Variants in ATP11C observed in about 807,000 individuals in gnomAD.
The protein encoded by ATP11C is ATPase phospholipid transporting 11C (ATP11C blood group), also known as phospholipid-transporting ATPase IG.
A neutral mutation model predicts 97.4 loss-of-function variants in ATP11C; 36 were observed. The observed-to-expected ratio is 0.37, with a 90% confidence interval of 0.28 to 0.49. The LOEUF (loss-of-function observed/expected upper bound fraction) is 0.49, where lower values mean the gene tolerates loss of function less well. ATP11C is among the 20% of genes least tolerant of loss of function. The pLI is 0.98. For missense variants in ATP11C, 730 were observed against 824.6 expected (o/e 0.89, Z 1.40); for synonymous variants, 275 against 290.9 (o/e 0.95, Z 0.56).
chrX:139,803,792 G>A (rs1266395413), intron 6 of ATP11C, among the ~76,000 whole-genome samples: 2 of 93,683 alleles, frequency 2.1e-5, no homozygotes, highest in African/African-American at 4.1e-5. Flanking sequence ...TCCATCTCCC[G>A]GGCTCAAGCA....
At chrX:139,882,022 T>C (rs1319175058) in intron 1 of ATP11C, among the ~76,000 whole-genome samples, 1 of 111,643 alleles carries the variant, frequency 9.0e-6, no homozygotes, top group Non-Finnish European at 1.9e-5. Flanking sequence ...TTCTTCTCCC[T>C]CTATGGCTTT....
At chrX:139,857,065 GT>G in intron 1 of ATP11C, among the ~76,000 whole-genome samples, 1 of 111,788 alleles carries the variant, frequency 8.9e-6, no homozygotes, top group Admixed American at 9.5e-5. Flanking sequence ...AAGTAGTTCG[GT>G]AAACGGAAAG....
At chrX:139,750,408 C>T (rs1286314259) in intron 23 of ATP11C, among the ~76,000 whole-genome samples, 1 of 111,604 alleles carries the variant, frequency 9.0e-6, no homozygotes, top group Non-Finnish European at 1.9e-5. Context: ...CTATAAGCTG[C>T]ATTTCTAATA....
At chrX:139,787,534 GTGATCC>G (rs2148728824) in intron 14 of ATP11C, among the ~76,000 whole-genome samples, 1 of 112,388 alleles carries the variant, frequency 8.9e-6, no homozygotes, top group African/African-American at 3.2e-5. Context: ...CTGACCTCAG[GTGATCC>G]ACCCGCCTTG....
intron 1 of ATP11C, among the ~76,000 whole-genome samples, chrX:139,905,277 T>C (rs1271622040): frequency 8.9e-6 from 1 of 112,217 alleles, no homozygotes; most frequent in Non-Finnish European, 1.9e-5. Context: ...GATCAAATGT[T>C]TCCCTTTTCC....
intron 1 of ATP11C, among the ~76,000 whole-genome samples, chrX:139,859,859 T>C (rs1287922408): frequency 2.4e-5 from 2 of 82,162 alleles, no homozygotes; most frequent in Non-Finnish European, 3.9e-5. Context: ...CCCAGCACTT[T>C]GGGAGGCCGA....
chrX:139,768,308 C>T lies in ATP11C; in HGVS notation c.2343G>A (p.Lys781=), dbSNP rs2082178841. The change falls in exon 20 of 30, where the codon AAG becomes AAA. Residue 781 remains lysine, a synonymous_variant. Coordinates refer to ENST00000682941, the MANE Select transcript of ATP11C (RefSeq NM_001353812.2). The part of the protein sequence containing the change: ...YKSIFLQICM[K]CTAVLCCRMA... The stretch of plus-strand genomic sequence containing the variant: ...TCCGACAGCAGAGCACTGCAGTACA[C>T]TTCATACATATTTGTAGGAAAATGC... The T allele has an allele frequency of 1.0e-5, 12 of 1,185,494 alleles. No homozygotes were observed. The East Asian group carries it at 3.3e-4, about 33-fold the overall frequency.
At chrX:139,785,063 T>G (rs1477181119) in intron 16 of ATP11C, among the ~76,000 whole-genome samples, 163 bp downstream of exon 16, 2 of 112,108 alleles carry the variant, frequency 1.8e-5, no homozygotes, top group African/African-American at 3.2e-5. Context: ...AGAACATCTG[T>G]GCTTAAAAAA....
chrX:139,813,699 TAGGAAAGGCAAAACTATAGAGACA>T (rs2083224841), intron 5 of ATP11C, among the ~76,000 whole-genome samples: 1 of 111,436 alleles, frequency 9.0e-6, no homozygotes, highest in South Asian at 3.8e-4. Flanking sequence ...TGTGACATCC[TAGGAAAGGCAAAACTATAGAGACA>T]GCAGAAAGAT....
intron 18 of ATP11C, among the ~76,000 whole-genome samples, chrX:139,780,405 T>C (rs1470415540): frequency 2.7e-5 from 3 of 109,780 alleles, no homozygotes; most frequent in Admixed American, 1.9e-4. Flanking sequence ...CATATGCAAA[T>C]CAATAAATGT....
intron 1 of ATP11C, among the ~76,000 whole-genome samples, chrX:139,918,535 T>C (rs1312243312): frequency 2.5e-5 from 2 of 79,047 alleles, no homozygotes; most frequent in Non-Finnish European, 4.7e-5. Context: ...GGCAGGAGAA[T>C]TGCTTGAACC....
Position 139,763,389 on chromosome X carries a change from G to A in ATP11C, c.2421C>T (p.Gly807=). 8.3e-7 allele frequency: 1 copy of A among 1,208,489 alleles called. No homozygotes were observed. Among genetic ancestry groups the A allele is most frequent in the Non-Finnish European group, 1.1e-6 (1 of 892,521 alleles). The change falls in exon 21 of 30, where the codon GGC becomes GGT. Residue 807 remains glycine (G), a synonymous_variant. Transcript: ENST00000682941. ...CACCTATCGACAGAGTTATTGGGCT[G>A]CCTTTTAAATTCTTCACCATTCTGA... ...QIVRMVKNLK[G]SPITLSIGDG...
At chrX:139,857,379 GTTCAA>G (rs1178872067) in intron 1 of ATP11C, among the ~76,000 whole-genome samples, 2 of 111,895 alleles carry the variant, frequency 1.8e-5, no homozygotes, top group East Asian at 5.6e-4. Context: ...ATGTCAGTGT[GTTCAA>G]TTCTTTTCCT....
chrX:139,882,590 T>C (rs936843309), intron 1 of ATP11C, among the ~76,000 whole-genome samples: 2 of 111,349 alleles, frequency 1.8e-5, no homozygotes, highest in East Asian at 5.7e-4. Flanking sequence ...TTTCTGAATC[T>C]TCTTTAGACT....
chrX:139,890,246 T>A (rs925707674), intron 1 of ATP11C, among the ~76,000 whole-genome samples: 1 of 111,123 alleles, frequency 9.0e-6, no homozygotes. Flanking sequence ...GTCAAAACAG[T>A]GTGGTTTTGT....
chrX:139,912,101 G>C (rs1178550649), intron 1 of ATP11C, among the ~76,000 whole-genome samples: 1 of 102,829 alleles, frequency 9.7e-6, no homozygotes, highest in African/African-American at 3.6e-5. Flanking sequence ...CTTGAACCCA[G>C]GAGTCAGAGG....
At chrX:139,831,032 C>T (rs2083637630) in intron 1 of ATP11C, among the ~76,000 whole-genome samples, 1 of 111,282 alleles carries the variant, frequency 9.0e-6, no homozygotes, top group African/African-American at 3.3e-5. Context: ...TCCAAGCCCA[C>T]TCCATTATAA....
At chrX:139,813,750 T>C (rs993131617) in intron 5 of ATP11C, among the ~76,000 whole-genome samples, 1 of 110,694 alleles carries the variant, frequency 9.0e-6, no homozygotes, top group Non-Finnish European at 1.9e-5. Flanking sequence ...TTACCATGGG[T>C]TGGGGGGAAT....
intron 1 of ATP11C, among the ~76,000 whole-genome samples, chrX:139,896,084 T>C (rs1022015166): frequency 3.6e-5 from 4 of 111,454 alleles, no homozygotes; most frequent in Non-Finnish European, 7.5e-5. Context: ...AAATGAACCA[T>C]ACTCCTCTCC....
Sources: allele counts gnomAD v4.1 joint callset (sites outside exome capture counted in the v4.1 genomes callset), GRCh38; gene constraint gnomAD v4.1.1; transcripts MANE v1.5; gene names NCBI Gene and HGNC (gene_info 2026-07-23, HGNC 2026-07-21).